CSMD1: variants seen among roughly 807,000 people sequenced by gnomAD.
The protein encoded by CSMD1 is CUB and sushi domain-containing protein 1.
A neutral mutation model predicts 417.5 loss-of-function variants in CSMD1; 213 were observed. The ratio of observed to expected loss-of-function variants is 0.51; its 90% CI spans 0.46 to 0.57. The LOEUF is 0.57. CSMD1 is among the 20% of genes least tolerant of loss of function. The pLI, the probability that CSMD1 is intolerant of heterozygous loss-of-function variation, is 0.00. For missense variants in CSMD1, 6,923 were observed against 4,529.7 expected, an observed-to-expected ratio of 1.53 and a Z score of -15.17; for synonymous variants, 2,862 against 1,736.8, an observed-to-expected ratio of 1.65 and a Z score of -16.11.
intron 4 of CSMD1, among the ~76,000 whole-genome samples, chr8:4,021,626 C>A (rs1287026912): frequency 6.6e-6 from 1 of 152,162 alleles, no homozygotes; most frequent in Non-Finnish European, 1.5e-5. Flanking sequence ...CATGTAGCTG[C>A]TCTTTTTAAA....
intron 40 of CSMD1, among the ~76,000 whole-genome samples, chr8:3,146,066 A>G (rs1818824416): frequency 6.6e-6 from 1 of 152,176 alleles, no homozygotes; most frequent in African/African-American, 2.4e-5. Flanking sequence ...GTTAATACCT[A>G]TGGAATTTAT....
intron 1 of CSMD1, among the ~76,000 whole-genome samples, chr8:4,777,182 A>G (rs1454255815): frequency 1.3e-5 from 2 of 152,174 alleles, no homozygotes; most frequent in Non-Finnish European, 2.9e-5. Context: ...TTCCTGTTTT[A>G]CCTTGTGGTT....
chr8:4,765,248 G>A lies in CSMD1; in HGVS notation c.86-127690C>T, dbSNP rs181070814. 1.2e-3 allele frequency among the ~76,000 whole-genome samples: 188 copies of A among 152,214 alleles called. 2 individuals carry two copies. Among genetic ancestry groups the A allele is most frequent in the South Asian group, 0.01 (49 of 4,826 alleles). ...TACCTAGGCTGAATCTTACAATAAT[G>A]ACTTTCCATATGTGCCACACAAAGA... On this transcript the variant is annotated intron_variant, in intron 1 of 69. Transcript: ENST00000635120.
At chr8:4,319,146 G>A (rs1389071636) in intron 3 of CSMD1, among the ~76,000 whole-genome samples, 1 of 151,926 alleles carries the variant, frequency 6.6e-6, no homozygotes, top group Non-Finnish European at 1.5e-5. Flanking sequence ...ATCAAAATTG[G>A]GAAAATACCT....
intron 26 of CSMD1, among the ~76,000 whole-genome samples, chr8:3,237,184 C>A (rs183856119): frequency 4.6e-5 from 7 of 151,778 alleles, no homozygotes; most frequent in Admixed American, 1.3e-4. Flanking sequence ...CACAACTTTG[C>A]AGGCCGGGTG....
rs1171512783 is a variant in CSMD1, at chr8:4,764,775, C to T, written c.86-127217G>A. Among the ~76,000 whole-genome samples, 4 of 145,988 alleles carry T rather than the reference C, an allele frequency of 2.7e-5. No individual in the cohort carries two copies. The South Asian group carries it at 6.8e-4, about 25-fold the overall frequency. ...GTAGTCCCAGCTACTCTGGAGGCTG[C>T]GGCAGGAGAATGGTGTGAACCCAGG... is the stretch of plus-strand genomic sequence containing the variant. On this transcript the variant is annotated intron_variant, in intron 1 of 69. Coordinates refer to ENST00000635120, the MANE Select transcript of CSMD1 (RefSeq NM_033225.6).
Position 4,146,554 on chromosome 8 carries a change from G to T in CSMD1, c.416-114455C>A, listed in dbSNP as rs117511017. On this transcript the variant is annotated intron_variant, in intron 3 of 69. Transcript: ENST00000635120. ...TTAAAACACCACAACTCCAGGGAAG[G>T]AAGCTCCATTATTATCTGTCTAAAT... Among the ~76,000 whole-genome samples the T allele has an allele frequency of 1.1e-3, 151 of 143,418 alleles. 1 individual carries two copies. The South Asian group carries it at 0.013, about 12-fold the overall frequency. The allele number at this position is 143,418 out of a possible 152,430, so 94.1% of individuals were successfully genotyped here.
At chr8:4,233,645 T>C (rs1357122808) in intron 3 of CSMD1, among the ~76,000 whole-genome samples, 6 of 152,154 alleles carry the variant, frequency 3.9e-5, no homozygotes, top group Admixed American at 3.9e-4. Context: ...ATGCTCCAGA[T>C]CTGTGAGAAG....
At chr8:4,671,149 G>T (rs144076943) in intron 1 of CSMD1, among the ~76,000 whole-genome samples, 1 of 152,180 alleles carries the variant, frequency 6.6e-6, no homozygotes, top group East Asian at 1.9e-4. Flanking sequence ...CAAATCCTGC[G>T]GCATGATTTA....
At chr8:4,295,233 T>C (rs1470532558) in intron 3 of CSMD1, among the ~76,000 whole-genome samples, 1 of 16,246 alleles carries the variant, frequency 6.2e-5, no homozygotes, top group African/African-American at 1.0e-4. Flanking sequence ...CTTAAGATTA[T>C]ATGCACATAT....
chr8:3,107,418 T>G (rs1816218018), intron 45 of CSMD1, among the ~76,000 whole-genome samples: 1 of 152,196 alleles, frequency 6.6e-6, no homozygotes, highest in South Asian at 2.1e-4. Context: ...CTCTGAATAC[T>G]TTATTAAAAA....
chr8:3,394,053 TATAGAA>T (rs1259918681), intron 17 of CSMD1, among the ~76,000 whole-genome samples: 30 of 120,438 alleles, frequency 2.5e-4, no homozygotes, highest in African/African-American at 7.2e-4. Flanking sequence ...TATATATATA[TATAGAA>T]AAAAAGAAAA....
intron 5 of CSMD1, among the ~76,000 whole-genome samples, chr8:3,970,877 G>C (rs1813034342): frequency 1.3e-5 from 2 of 152,166 alleles, no homozygotes; most frequent in South Asian, 4.2e-4. Context: ...TCAGCCTCCT[G>C]AGTAGCTGGG....
intron 5 of CSMD1, among the ~76,000 whole-genome samples, chr8:3,864,679 T>C (rs1804960616): frequency 6.6e-6 from 1 of 152,102 alleles, no homozygotes. Context: ...CACTTTCGAC[T>C]GATGAAGGTG....
At chr8:4,630,642 T>A (rs1802455023) in intron 2 of CSMD1, among the ~76,000 whole-genome samples, 1 of 152,154 alleles carries the variant, frequency 6.6e-6, no homozygotes, top group Non-Finnish European at 1.5e-5. Flanking sequence ...GGTAGAATAG[T>A]GACAAAATCA....
At chr8:4,827,869 T>A (rs1799928156) in intron 1 of CSMD1, among the ~76,000 whole-genome samples, 2 of 152,170 alleles carry the variant, frequency 1.3e-5, no homozygotes, top group Non-Finnish European at 2.9e-5. Context: ...CTTTACCATT[T>A]TAATCTTTCT....
intron 1 of CSMD1, among the ~76,000 whole-genome samples, chr8:4,755,723 T>C (rs962125920): frequency 1.3e-5 from 2 of 152,208 alleles, no homozygotes; most frequent in Admixed American, 1.3e-4. Flanking sequence ...TTGCTTCCGT[T>C]TTCTGTATGT....
intron 5 of CSMD1, among the ~76,000 whole-genome samples, chr8:3,771,293 G>C (rs1281979305): frequency 1.3e-5 from 2 of 152,124 alleles, no homozygotes; most frequent in African/African-American, 2.4e-5. Flanking sequence ...GCACCTGCTG[G>C]TGCTTCTGGA....
At chr8:3,176,492 A>C (rs981231206) in intron 37 of CSMD1, among the ~76,000 whole-genome samples, 16 of 152,132 alleles carry the variant, frequency 1.1e-4, no homozygotes, top group Non-Finnish European at 2.1e-4. Flanking sequence ...CTATCTTTGA[A>C]CTAGGGCAAT....
Sources: gnomAD v4.1 joint callset for allele counts (sites outside exome capture counted in the v4.1 genomes callset) on GRCh38, gnomAD v4.1.1 for gene constraint, MANE v1.5 for transcripts, NCBI Gene and HGNC (gene_info 2026-07-23, HGNC 2026-07-21) for gene names.